The following EPRS1 variants were observed in gnomAD, a reference collection of about 807,000 sequenced individuals.
EPRS1 encodes bifunctional glutamate/proline--tRNA ligase.
In EPRS1, 107 loss-of-function variants were observed where a neutral mutation model predicts 188.3. The observed-to-expected ratio is 0.57, with a 90% CI of 0.49 to 0.67. The LOEUF (loss-of-function observed/expected upper bound fraction) is 0.67. Among genes scored for constraint, EPRS1 ranks in the 30% least tolerant of loss-of-function variants. The probability of loss-of-function intolerance (pLI) is 0.00; values close to 1 mark genes in which losing one functional copy is unlikely to be tolerated. For synonymous variants in EPRS1, 596 were observed against 593.1 expected (o/e 1.00, Z -0.07); for missense variants, 1,577 against 1,802.2 (o/e 0.88, Z 2.26).
chr1:220,038,076 C>T (rs1016165737), intron 2 of EPRS1, among the ~76,000 whole-genome samples: 6 of 133,198 alleles, frequency 4.5e-5, no homozygotes, highest in Admixed American at 3.6e-4. Context: ...AGTGTTTCAG[C>T]TTTATCTTTT....
At chr1:219,991,245 A>C (rs1571665953) in intron 18 of EPRS1, among the ~76,000 whole-genome samples, 2 of 151,702 alleles carry the variant, frequency 1.3e-5, no homozygotes, top group African/African-American at 2.4e-5. Flanking sequence ...AAAAAAAAAA[A>C]AAACCTGGAA....
chr1:220,002,816 G>C (rs889151721), intron 16 of EPRS1, among the ~76,000 whole-genome samples: 1 of 152,128 alleles, frequency 6.6e-6, no homozygotes, highest in Admixed American at 6.5e-5. Flanking sequence ...TCAAGTCTGG[G>C]TGAGAGTGAG....
intron 18 of EPRS1, among the ~76,000 whole-genome samples, chr1:219,992,196 T>G (rs913150745): frequency 1.3e-5 from 2 of 152,080 alleles, no homozygotes; most frequent in African/African-American, 2.4e-5. Flanking sequence ...TAAACTGTGG[T>G]TTGGGTTTTA....
At chr1:219,969,307 T>A (rs1660622581) in intron 30 of EPRS1, 185 bp from the exon 31 acceptor site, 1 of 591,524 alleles carries the variant, frequency 1.7e-6, no homozygotes, top group Non-Finnish European at 3.0e-6. Context: ...TAGGAAAGAA[T>A]GTTTTTCCAC....
chr1:220,009,105 T>C (rs991695982), intron 13 of EPRS1, among the ~76,000 whole-genome samples: 10 of 152,328 alleles, frequency 6.6e-5, no homozygotes, highest in Admixed American at 4.6e-4. Flanking sequence ...TGGTAGGTGA[T>C]ATGGCAGGTC....
intron 1 of EPRS1, among the ~76,000 whole-genome samples, chr1:220,043,617 T>C (rs1571703413): frequency 1.3e-5 from 2 of 152,068 alleles, no homozygotes; most frequent in Admixed American, 6.6e-5. Context: ...TAATCAGTAA[T>C]GGGAAAATTA....
intron 22 of EPRS1, 34 bp downstream of exon 22, chr1:219,983,155 A>G (rs373538938): frequency 1.1e-4 from 160 of 1,505,862 alleles, no homozygotes; most frequent in Admixed American, 3.4e-4. Flanking sequence ...TTGTCAGAGA[A>G]CATTGCAAAA....
chr1:219,981,088 G>A (rs1660887156), intron 24 of EPRS1, among the ~76,000 whole-genome samples: 1 of 152,010 alleles, frequency 6.6e-6, no homozygotes, highest in South Asian at 2.1e-4. Flanking sequence ...TAGTAGAGAT[G>A]TGGTTTTGCC....
At chr1:220,020,775 T>C (rs74804088) in intron 9 of EPRS1, among the ~76,000 whole-genome samples, 8,954 of 144,230 alleles carry the variant, frequency 0.062, 907 homozygotes, top group African/African-American at 0.21. Flanking sequence ...TAAAAAACAG[T>C]TTCTGACTAA....
chr1:220,044,441 G>T (rs987747280), intron 1 of EPRS1, among the ~76,000 whole-genome samples: 4 of 152,016 alleles, frequency 2.6e-5, no homozygotes, highest in Non-Finnish European at 5.9e-5. Context: ...AATGTATCAG[G>T]AGGCTGGGCA....
At chr1:219,987,553 G>C in intron 19 of EPRS1, 149 bp from the exon 20 acceptor site, 1 of 642,158 alleles carries the variant, frequency 1.6e-6, no homozygotes, top group Non-Finnish European at 2.6e-6. Flanking sequence ...AGGTTTGAGG[G>C]AGGCATATCT....
At chr1:219,985,395 TTTTC>T (rs1660987730) in intron 20 of EPRS1, among the ~76,000 whole-genome samples, 1 of 152,004 alleles carries the variant, frequency 6.6e-6, no homozygotes, top group Non-Finnish European at 1.5e-5. Flanking sequence ...TTATGTAAGT[TTTTC>T]TTTTTCTTTT....
intron 7 of EPRS1, 50 bp from the exon 8 acceptor site, chr1:220,024,506 G>C (rs371163895): frequency 7.2e-7 from 1 of 1,385,126 alleles, no homozygotes; most frequent in South Asian, 1.4e-5. Flanking sequence ...GCATTTTTTC[G>C]TGCATTTTCA....
intron 16 of EPRS1, among the ~76,000 whole-genome samples, chr1:220,004,553 CAG>C (rs1558052147): frequency 1.3e-5 from 2 of 151,992 alleles, no homozygotes; most frequent in Non-Finnish European, 1.5e-5. Flanking sequence ...ACACAAACGA[CAG>C]AGTTTGCTGA....
chr1:220,012,600 C>G (rs904401252), intron 12 of EPRS1, among the ~76,000 whole-genome samples: 1 of 152,200 alleles, frequency 6.6e-6, no homozygotes, highest in Non-Finnish European at 1.5e-5. Context: ...GATTCAAAGA[C>G]TTAAAAGGTA....
intron 6 of EPRS1, among the ~76,000 whole-genome samples, chr1:220,029,579 T>C (rs75694653): frequency 7.2e-5 from 11 of 152,182 alleles, no homozygotes; most frequent in African/African-American, 2.7e-4. Context: ...AAAAATTAAA[T>C]TTGGAAATCT....
At chr1:219,992,955 C>A (rs537007342) in intron 18 of EPRS1, among the ~76,000 whole-genome samples, 119 of 151,226 alleles carry the variant, frequency 7.9e-4, no homozygotes, top group African/African-American at 2.7e-3. Context: ...AGGCGTACGG[C>A]CAGGCCCAGC....
chr1:220,001,282 A>C (rs1425967659), intron 16 of EPRS1, 27 bp from the exon 17 acceptor site: 1 of 1,377,984 alleles, frequency 7.3e-7, no homozygotes, highest in African/African-American at 1.4e-5. Flanking sequence ...GGGACAAAAT[A>C]GTTTATTTGA....
At chr1:220,018,663 T>A (rs1251788555) in intron 11 of EPRS1, among the ~76,000 whole-genome samples, 155 bp from the exon 12 acceptor site, 1 of 150,332 alleles carries the variant, frequency 6.7e-6, no homozygotes, top group Non-Finnish European at 1.5e-5. Flanking sequence ...GTATACAAAC[T>A]AATTTGGTTA....
Sources: gnomAD v4.1 joint callset for allele counts (sites outside exome capture counted in the v4.1 genomes callset) on GRCh38, gnomAD v4.1.1 for gene constraint, MANE v1.5 for transcripts, NCBI Gene and HGNC (gene_info 2026-07-23, HGNC 2026-07-21) for gene names.